The following LINGO1 variants were observed in gnomAD, a reference collection of about 807,000 sequenced individuals.
LINGO1 encodes leucine-rich repeat and immunoglobulin-like domain-containing nogo receptor-interacting protein 1.
A neutral mutation model predicts 37.3 loss-of-function variants in LINGO1; 11 were observed. The ratio of observed to expected loss-of-function variants is 0.29; its 90% confidence interval spans 0.19 to 0.49. The LOEUF is 0.49. Among genes scored for constraint, LINGO1 ranks in the 20% least tolerant of loss-of-function variants. The pLI, the probability that LINGO1 is intolerant of heterozygous loss-of-function variation, is 0.99. For synonymous variants in LINGO1, 387 were observed against 403.0 expected (o/e 0.96, Z 0.48); for missense variants, 585 against 878.2 (o/e 0.67, Z 4.22).
chr15:77,757,025 T>C (rs925988779), intron 1 of LINGO1, among the ~76,000 whole-genome samples: 7 of 152,008 alleles, frequency 4.6e-5, no homozygotes, highest in East Asian at 3.9e-4. Context: ...AGAGGGGCAA[T>C]AGGAAATGAA....
chr15:77,719,429 C>A lies in LINGO1; in HGVS notation c.-195+15563G>T, dbSNP rs762103386. On this transcript the variant is annotated intron_variant, in intron 2 of 3. Coordinates refer to the LINGO1 transcript ENST00000561686. ...AGATCATCCCCCGCCTCCACCCTCA[C>A]AGGCAGATCAGAGCCACACAGTGCC... Among the ~76,000 whole-genome samples the A allele has an allele frequency of 4.7e-5, 7 of 150,028 alleles. 1 individual carries two copies. The highest frequency in any genetic ancestry group is 8.9e-5 in the Non-Finnish European group (6 of 67,440).
intron 1 of LINGO1, among the ~76,000 whole-genome samples, chr15:77,782,070 T>C (rs1395090574): frequency 1.3e-5 from 2 of 152,248 alleles, no homozygotes; most frequent in Non-Finnish European, 2.9e-5. Context: ...CAGGTTCAGC[T>C]GTAGCAATTT....
At chr15:77,683,756 G>C (rs995595512) in intron 2 of LINGO1, among the ~76,000 whole-genome samples, 1 of 151,976 alleles carries the variant, frequency 6.6e-6, no homozygotes, top group Non-Finnish European at 1.5e-5. Context: ...AAGGCAAAGA[G>C]GGACTTTCCT....
At chr15:77,744,393 G>A (rs1194824775) in intron 1 of LINGO1, among the ~76,000 whole-genome samples, 1 of 152,086 alleles carries the variant, frequency 6.6e-6, no homozygotes, top group Non-Finnish European at 1.5e-5. Context: ...AAACTAGCTG[G>A]TGTGGCAGTG....
intron 3 of LINGO1, among the ~76,000 whole-genome samples, chr15:77,643,779 G>A (rs1407180809): frequency 6.6e-6 from 1 of 152,206 alleles, no homozygotes; most frequent in African/African-American, 2.4e-5. Context: ...CCCGAGTCTG[G>A]TGCCACCTCC....
At chr15:77,692,302 C>T (rs2075617938) in intron 1 of LINGO1, among the ~76,000 whole-genome samples, 1 of 152,176 alleles carries the variant, frequency 6.6e-6, no homozygotes, top group South Asian at 2.1e-4. Context: ...GTTAAGTAAC[C>T]TGGGGCCACG....
upstream of LINGO1, chr15:77,787,111 T>G (rs1234324262): frequency 2.0e-5 from 3 of 152,032 alleles, no homozygotes; most frequent in Non-Finnish European, 2.9e-5. Flanking sequence ...GGTGCCTGGC[T>G]GAAAGGCAGG....
intron 3 of LINGO1, among the ~76,000 whole-genome samples, chr15:77,675,883 C>G (rs1357407194): frequency 6.6e-6 from 1 of 152,188 alleles, no homozygotes; most frequent in African/African-American, 2.4e-5. Context: ...CCTGTTACCC[C>G]CATCCCCACT....
chr15:77,764,459 CA>C (rs1454492987), intron 1 of LINGO1, among the ~76,000 whole-genome samples: 3 of 152,154 alleles, frequency 2.0e-5, no homozygotes, highest in African/African-American at 7.2e-5. Flanking sequence ...AAACTGTTTC[CA>C]GGCTATATAA....
In LINGO1 at chr15:77,632,348, C is replaced by A. The variant is rs1340993546; in HGVS notation, c.-33G>T. The stretch of plus-strand genomic sequence containing the variant: ...GCGCCTTCGGTCCGCTCGGCTCGGT[C>A]ACCAATCGCATGTCTCTCCAGCCGG... On this transcript the variant is annotated 5_prime_UTR_variant, in exon 1 of 2. Coordinates refer to ENST00000355300, the MANE Select transcript of LINGO1 (RefSeq NM_032808.7). This position sits in a 1 kb window ranked among gnomAD's most constrained non-coding sequence, Gnocchi z 6.0. 2 of 1,420,932 alleles carry A rather than the reference C, an allele frequency of 1.4e-6. No homozygotes were observed. The highest frequency in any genetic ancestry group is 2.9e-5 in the South Asian group (2 of 69,056). 88.0% of individuals were successfully genotyped at this position (1,420,932 alleles called of 1,614,324 possible).
At chr15:77,726,768 T>C (rs1567549648) in intron 2 of LINGO1, among the ~76,000 whole-genome samples, 2 of 152,196 alleles carry the variant, frequency 1.3e-5, no homozygotes, top group Non-Finnish European at 2.9e-5. Context: ...ACTTAAAACC[T>C]TCTGCTTAAC....
intron 1 of LINGO1, among the ~76,000 whole-genome samples, chr15:77,764,387 G>A (rs973163978): frequency 3.3e-5 from 5 of 152,124 alleles, no homozygotes; most frequent in Non-Finnish European, 1.5e-5. Context: ...ACATTACAAC[G>A]GGAAAAGACA....
At chr15:77,620,476 A>G (rs1370464549) in intron 1 of LINGO1, among the ~76,000 whole-genome samples, 1 of 152,110 alleles carries the variant, frequency 6.6e-6, no homozygotes, top group Non-Finnish European at 1.5e-5. Context: ...ACCCTCCTTC[A>G]TGTCCCGGGG....
intron 3 of LINGO1, among the ~76,000 whole-genome samples, chr15:77,645,717 GCT>G: frequency 6.6e-6 from 1 of 152,358 alleles, no homozygotes; most frequent in East Asian, 1.9e-4. Flanking sequence ...CAGAGAGCTG[GCT>G]CCAGACCCGC....
At chr15:77,703,775 C>G (rs959556285) in intron 2 of LINGO1, among the ~76,000 whole-genome samples, 2 of 152,152 alleles carry the variant, frequency 1.3e-5, no homozygotes, top group South Asian at 2.1e-4. Flanking sequence ...GGTGACAGGA[C>G]CTGCCTGCAT....
intron 2 of LINGO1, among the ~76,000 whole-genome samples, chr15:77,708,978 G>A (rs1415686215): frequency 6.6e-6 from 1 of 152,140 alleles, no homozygotes. Flanking sequence ...CATGAAGATG[G>A]AGGCAGAGGC....
At chr15:77,771,049 G>T (rs1432456738) in intron 1 of LINGO1, among the ~76,000 whole-genome samples, 1 of 152,190 alleles carries the variant, frequency 6.6e-6, no homozygotes, top group African/African-American at 2.4e-5. Flanking sequence ...GTGAGGCAGG[G>T]TCAGAGAGAG....
chr15:77,622,656 G>T (rs990499811), intron 1 of LINGO1, among the ~76,000 whole-genome samples: 9 of 152,210 alleles, frequency 5.9e-5, no homozygotes, highest in Admixed American at 3.3e-4. Context: ...ACGATAAAGC[G>T]TGTTAGCGGG....
At chr15:77,704,766 T>A (rs1268444121) in intron 2 of LINGO1, among the ~76,000 whole-genome samples, 1 of 152,124 alleles carries the variant, frequency 6.6e-6, no homozygotes, top group Non-Finnish European at 1.5e-5. Flanking sequence ...TAAGCAATGG[T>A]CACACAGTGC....
Sources: allele counts gnomAD v4.1 joint callset (sites outside exome capture counted in the v4.1 genomes callset), GRCh38; gene constraint gnomAD v4.1.1; non-coding constraint Gnocchi (gnomAD v3.1); transcripts MANE v1.5; gene names NCBI Gene and HGNC (gene_info 2026-07-23, HGNC 2026-07-21).